STPG2: variants seen among roughly 807,000 people sequenced by gnomAD.
The protein encoded by STPG2 is sperm-tail PG-rich repeat-containing protein 2.
Under a neutral mutation model 54.2 loss-of-function variants are expected in STPG2, and 56 were observed. The ratio of observed to expected loss-of-function variants is 1.03; its 90% CI spans 0.83 to 1.29. The LOEUF is 1.29. Ranked by LOEUF, STPG2 falls within the 50% of genes most tolerant of loss-of-function variation. STPG2 has a pLI of 0.00. For missense variants in STPG2, 596 were observed against 544.9 expected, an observed-to-expected ratio of 1.09 and a Z score of -0.93; for synonymous variants, 200 against 181.8, an observed-to-expected ratio of 1.10 and a Z score of -0.81.
At chr4:98,121,584 T>G (rs1739680638) in intron 3 of STPG2, among the ~76,000 whole-genome samples, 1 of 152,226 alleles carries the variant, frequency 6.6e-6, no homozygotes, top group East Asian at 1.9e-4. Flanking sequence ...TTTGTAGTTC[T>G]ACTTGAAGAG....
chr4:97,952,090 C>T (rs1304141924), intron 7 of STPG2, among the ~76,000 whole-genome samples: 1 of 152,154 alleles, frequency 6.6e-6, no homozygotes, highest in Non-Finnish European at 1.5e-5. Flanking sequence ...CTATTTTCAT[C>T]TTCAGGAATG....
Position 97,454,405 on chromosome 4 carries a change from C to T in STPG2, c.462+258294G>A, listed in dbSNP as rs566376660. On this transcript the variant is annotated intron_variant, in intron 4 of 4. Coordinates refer to the STPG2 transcript ENST00000522676. ...GCGGGCGCCTGTAGTCCCAGCTACT[C>T]GGGAGGCTGAGGCAGGAGAATGGCG... Among the ~76,000 whole-genome samples, 50 of 149,320 alleles carry T rather than the reference C, an allele frequency of 3.3e-4. No homozygotes were observed. In the South Asian group the frequency reaches 7.0e-3, roughly 21 times the overall value.
At chr4:97,602,264 T>G (rs1272198214) in intron 10 of STPG2, among the ~76,000 whole-genome samples, 1 of 151,788 alleles carries the variant, frequency 6.6e-6, no homozygotes, top group Non-Finnish European at 1.5e-5. Context: ...TTTCACCAAA[T>G]CTAATAGCTA....
chr4:97,448,220 G>A (rs1729276156), intron 4 of STPG2, among the ~76,000 whole-genome samples: 1 of 152,178 alleles, frequency 6.6e-6, no homozygotes, highest in African/African-American at 2.4e-5. Flanking sequence ...AAGCTCATAG[G>A]TGGAAGGGAC....
intron 8 of STPG2, among the ~76,000 whole-genome samples, chr4:97,904,644 T>A (rs559832133): frequency 3.5e-4 from 54 of 152,228 alleles, no homozygotes; most frequent in African/African-American, 1.3e-3. Flanking sequence ...AGGATTCAGA[T>A]AATCAAATTA....
At chr4:97,853,768 C>T (rs536886131) in intron 8 of STPG2, among the ~76,000 whole-genome samples, 58 of 152,200 alleles carry the variant, frequency 3.8e-4, no homozygotes, top group African/African-American at 1.3e-3. Flanking sequence ...CAAAATGCTA[C>T]GGAAGTGATA....
intron 5 of STPG2, among the ~76,000 whole-genome samples, chr4:98,074,499 AT>A (rs1447748093): frequency 2.6e-5 from 4 of 152,204 alleles, no homozygotes; most frequent in African/African-American, 9.7e-5. Flanking sequence ...ACCATCCCGT[AT>A]CTTCACATCA....
chr4:97,817,463 A>G (rs1269474651), intron 9 of STPG2, among the ~76,000 whole-genome samples: 1 of 152,040 alleles, frequency 6.6e-6, no homozygotes, highest in Non-Finnish European at 1.5e-5. Context: ...ACTTGCTTAG[A>G]CATGGTGCCA....
chr4:97,454,550 A>AAAAAAAAAAAAAAG (rs1729466185), intron 4 of STPG2, among the ~76,000 whole-genome samples: 1 of 142,526 alleles, frequency 7.0e-6, no homozygotes, highest in Admixed American at 7.3e-5. Flanking sequence ...AAAAAAAAAA[A>AAAAAAAAAAAAAAG]AAAAAAAGAA....
chr4:97,608,030 C>G (rs146008300), intron 10 of STPG2, among the ~76,000 whole-genome samples: 243 of 151,960 alleles, frequency 1.6e-3, no homozygotes, highest in African/African-American at 5.7e-3. Context: ...CAAACCACAG[C>G]TAAAAGGTGG....
chr4:97,548,111 T>C (rs1032903422), intron 4 of STPG2, among the ~76,000 whole-genome samples: 24 of 151,868 alleles, frequency 1.6e-4, no homozygotes, highest in Non-Finnish European at 2.5e-4. Flanking sequence ...GATCACGCCA[T>C]TGCACTCCAG....
intron 4 of STPG2, among the ~76,000 whole-genome samples, chr4:97,516,678 T>A (rs954597526): frequency 6.0e-5 from 9 of 151,234 alleles, no homozygotes; most frequent in African/African-American, 1.5e-4. Context: ...ACAAAAAAAA[T>A]TTAACCAGGC....
At chr4:97,666,167 A>G (rs905994912) in intron 10 of STPG2, among the ~76,000 whole-genome samples, 1 of 152,166 alleles carries the variant, frequency 6.6e-6, no homozygotes, top group African/African-American at 2.4e-5. Context: ...CCCAGGGAGC[A>G]TAAGATTCCA....
chr4:97,559,036 A>G lies in STPG2; in HGVS notation c.*22T>C, dbSNP rs2148872429. Reference sequence around the variant, plus strand: ...ACTGACTTCCATGAAGTTGTTTTTTAAGTTTTTGCCATAAATTTATGTCAC... The same window carrying G: ...ACTGACTTCCATGAAGTTGTTTTTTGAGTTTTTGCCATAAATTTATGTCAC... On this transcript the variant is annotated 3_prime_UTR_variant, in exon 11 of 11. Coordinates refer to ENST00000295268, the MANE Select transcript of STPG2 (RefSeq NM_174952.3). 1 of 1,569,872 alleles carries G rather than the reference A, an allele frequency of 6.4e-7. No homozygotes were observed. Among genetic ancestry groups the G allele is most frequent in the South Asian group, 1.2e-5 (1 of 84,244 alleles).
At chr4:97,964,362 G>C (rs1009480002) in intron 7 of STPG2, among the ~76,000 whole-genome samples, 1 of 152,120 alleles carries the variant, frequency 6.6e-6, no homozygotes. Flanking sequence ...TTGTATCTTT[G>C]AAGGCAATCA....
chr4:97,632,107 CTCTT>C (rs1319731712), intron 10 of STPG2, among the ~76,000 whole-genome samples: 1 of 151,974 alleles, frequency 6.6e-6, no homozygotes, highest in Non-Finnish European at 1.5e-5. Flanking sequence ...AATAAAATCT[CTCTT>C]TCCTTATTGA....
At chr4:98,115,166 T>C (rs922276215) in intron 3 of STPG2, among the ~76,000 whole-genome samples, 1 of 151,960 alleles carries the variant, frequency 6.6e-6, no homozygotes, top group Non-Finnish European at 1.5e-5. Context: ...CTATGCAACT[T>C]TCCCCCATGT....
In STPG2 at chr4:98,143,322, T is replaced by C. The variant is rs1740357716; in HGVS notation, c.-172A>G. 1.5e-5 allele frequency: 9 copies of C among 587,540 alleles called. No homozygotes were observed. In the Middle Eastern group the frequency reaches 1.4e-3, roughly 90 times the overall value. 36.4% of individuals were successfully genotyped at this position (587,540 alleles called of 1,614,324 possible). A position where few individuals can be genotyped will look rare whatever the true frequency, so the allele number is the denominator to read the frequency against. On this transcript the variant is annotated 5_prime_UTR_variant, in exon 1 of 11. Transcript: ENST00000295268. ...GGTTGTCTCCCCGCCCGCTCATTGA[T>C]ACCAGATTTCCTCAAATCGATTTCT...
At chr4:97,784,443 T>C (rs1398956464) in intron 9 of STPG2, among the ~76,000 whole-genome samples, 1 of 152,098 alleles carries the variant, frequency 6.6e-6, no homozygotes, top group Non-Finnish European at 1.5e-5. Context: ...TATCTTGCTA[T>C]AGTAATGCTG....
Sources: gnomAD v4.1 joint callset for allele counts (sites outside exome capture counted in the v4.1 genomes callset) on GRCh38, gnomAD v4.1.1 for gene constraint, MANE v1.5 for transcripts, NCBI Gene and HGNC (gene_info 2026-07-23, HGNC 2026-07-21) for gene names.